The following ADGRL3 variants were observed in gnomAD, a reference collection of about 807,000 sequenced individuals.
ADGRL3 encodes the protein calcium-independent alpha-latrotoxin receptor 3.
A neutral mutation model predicts 153.5 loss-of-function variants in ADGRL3; 62 were observed. The observed-to-expected ratio is 0.40, with a 90% CI of 0.33 to 0.50. The LOEUF (loss-of-function observed/expected upper bound fraction) is 0.50. Among genes scored for constraint, ADGRL3 ranks in the 20% least tolerant of loss-of-function variants. ADGRL3 has a pLI of 0.47. For synonymous variants in ADGRL3, 710 were observed against 672.5 expected, an observed-to-expected ratio of 1.06 and a Z score of -0.86; for missense variants, 1,641 against 1,859.4, an observed-to-expected ratio of 0.88 and a Z score of 2.16.
At chr4:61,847,017 A>G (rs953849339) in intron 9 of ADGRL3, among the ~76,000 whole-genome samples, 3 of 148,670 alleles carry the variant, frequency 2.0e-5, no homozygotes, top group African/African-American at 5.1e-5. Context: ...GGGCAGATCC[A>G]TGACCCAAAC....
intron 1 of ADGRL3, among the ~76,000 whole-genome samples, chr4:61,350,013 A>T (rs935472401): frequency 3.9e-5 from 6 of 152,204 alleles, no homozygotes; most frequent in Admixed American, 6.5e-5. Flanking sequence ...ATTTAAGGTT[A>T]TCATCTGGCC....
chr4:61,888,920 G>C (rs1413345832), intron 9 of ADGRL3, among the ~76,000 whole-genome samples: 1 of 152,084 alleles, frequency 6.6e-6, no homozygotes, highest in Admixed American at 6.5e-5. Flanking sequence ...TTTCCACTTT[G>C]TCTAATGGAC....
intron 24 of ADGRL3, 84 bp downstream of exon 24, chr4:62,037,940 T>C: frequency 1.4e-6 from 2 of 1,471,140 alleles, no homozygotes; most frequent in Non-Finnish European, 1.9e-6. Context: ...ATTTCTAGCC[T>C]GTGTTTAACA....
At chr4:61,489,257 C>T (rs933771797) in intron 2 of ADGRL3, among the ~76,000 whole-genome samples, 1 of 151,724 alleles carries the variant, frequency 6.6e-6, no homozygotes, top group Non-Finnish European at 1.5e-5. Context: ...TAAAACTGTC[C>T]TTTTCACACT....
intron 8 of ADGRL3, among the ~76,000 whole-genome samples, chr4:61,760,251 C>A (rs554759447): frequency 6.6e-6 from 1 of 152,296 alleles, no homozygotes; most frequent in Admixed American, 6.5e-5. Flanking sequence ...TCCCTGCCCC[C>A]AGAGGTGGAG....
chr4:61,467,531 A>G (rs1173587475), intron 2 of ADGRL3, among the ~76,000 whole-genome samples: 1 of 151,854 alleles, frequency 6.6e-6, no homozygotes, highest in African/African-American at 2.4e-5. Context: ...GGAGAGAAAT[A>G]AGTGAAGACT....
rs561104074 is a variant in ADGRL3 at position 61,666,895 on chromosome 4, A to T, written c.474-9931A>T. ...TAGATGTCATTCCAGTTATTTTTAA[A>T]TGAAAATCTTTTACCATTTTATCTG... On this transcript the variant is annotated intron_variant, in intron 5 of 26. Coordinates refer to ENST00000683033, the MANE Select transcript of ADGRL3 (RefSeq NM_001387552.1). 3.0e-4 allele frequency among the ~76,000 whole-genome samples: 46 copies of T among 152,322 alleles called. 1 individual carries two copies. In the South Asian group the frequency reaches 8.5e-3, roughly 28 times the overall value.
At chr4:61,791,576 G>A (rs748843495) in intron 8 of ADGRL3, among the ~76,000 whole-genome samples, 6 of 152,204 alleles carry the variant, frequency 3.9e-5, no homozygotes, top group Non-Finnish European at 7.3e-5. Context: ...CTACCATTCT[G>A]AGATCTGGAG....
intron 1 of ADGRL3, among the ~76,000 whole-genome samples, chr4:61,354,507 G>A (rs553140008): frequency 1.3e-5 from 2 of 151,836 alleles, no homozygotes. Flanking sequence ...GTGTATGATC[G>A]CAAAAGCAGC....
In ADGRL3 at chr4:61,961,600, G is replaced by A. The variant is rs571352741; in HGVS notation, c.2805+13324G>A. ...TTGTTGTGAATAGGAAAAAATCATC[G>A]GAGGAAGAAGAGTAAAAGTTATATG... is the stretch of plus-strand genomic sequence containing the variant. On this transcript the variant is annotated intron_variant, in intron 17 of 26. Coordinates refer to ENST00000683033, the MANE Select transcript of ADGRL3 (RefSeq NM_001387552.1). Among the ~76,000 whole-genome samples, 15 of 152,124 alleles carry A rather than the reference G, an allele frequency of 9.9e-5. No individual in the cohort carries two copies. In the South Asian group the frequency reaches 1.0e-3, roughly 11 times the overall value.
chr4:61,869,554 C>G (rs1366495761), intron 9 of ADGRL3, among the ~76,000 whole-genome samples: 1 of 151,720 alleles, frequency 6.6e-6, no homozygotes, highest in Non-Finnish European at 1.5e-5. Flanking sequence ...GCCGAGATTG[C>G]GCCACTGCAG....
At chr4:61,369,452 T>G (rs1246673388) in intron 1 of ADGRL3, among the ~76,000 whole-genome samples, 1 of 152,162 alleles carries the variant, frequency 6.6e-6, no homozygotes, top group East Asian at 1.9e-4. Flanking sequence ...GTTGTTGAAT[T>G]TTGTCAAAGG....
At chr4:61,965,682 T>C (rs1581665731) in intron 17 of ADGRL3, among the ~76,000 whole-genome samples, 1 of 151,682 alleles carries the variant, frequency 6.6e-6, no homozygotes, top group Non-Finnish European at 1.5e-5. Context: ...ACCCAGAAGG[T>C]GGAGCTTGCA....
At chr4:61,992,645 C>T (rs544393876) in intron 19 of ADGRL3, among the ~76,000 whole-genome samples, 2 of 152,112 alleles carry the variant, frequency 1.3e-5, no homozygotes, top group Non-Finnish European at 1.5e-5. Context: ...GTACATTTTA[C>T]GTATTTTATA....
At chr4:61,242,801 A>T (rs573780249) in intron 1 of ADGRL3, among the ~76,000 whole-genome samples, 1 of 152,044 alleles carries the variant, frequency 6.6e-6, no homozygotes. Context: ...GTTTTTACAG[A>T]CTGTCGTTTT....
intron 4 of ADGRL3, among the ~76,000 whole-genome samples, chr4:61,532,555 C>CGTGTGT (rs56053700): frequency 0.011 from 1,491 of 131,378 alleles, 24 homozygotes; most frequent in Admixed American, 0.028. Context: ...CGCGCGCGCG[C>CGTGTGT]GTGTGTGTGT....
intron 1 of ADGRL3, among the ~76,000 whole-genome samples, chr4:61,368,936 G>A (rs1560529244): frequency 6.6e-6 from 1 of 152,030 alleles, no homozygotes; most frequent in African/African-American, 2.4e-5. Context: ...CCTTGAAGAG[G>A]TCCTTCACAT....
intron 8 of ADGRL3, chr4:61,775,440 T>G: frequency 5.8e-6 from 4 of 693,422 alleles, no homozygotes; most frequent in Non-Finnish European, 8.0e-6. Context: ...GTGCCAAAGA[T>G]TTATGTCTTC....
chr4:61,294,110 A>G (rs1226708945), intron 1 of ADGRL3, among the ~76,000 whole-genome samples: 1 of 152,118 alleles, frequency 6.6e-6, no homozygotes, highest in Non-Finnish European at 1.5e-5. Context: ...TCGAAATTGG[A>G]ATTTTGATCT....
Sources: allele counts gnomAD v4.1 joint callset (sites outside exome capture counted in the v4.1 genomes callset), GRCh38; gene constraint gnomAD v4.1.1; transcripts MANE v1.5; gene names NCBI Gene and HGNC (gene_info 2026-07-23, HGNC 2026-07-21).